The following WDPCP variants were observed in gnomAD, a reference collection of about 807,000 sequenced individuals.
The protein encoded by WDPCP is WD repeat-containing and planar cell polarity effector protein fritz homolog.
In WDPCP, 71 loss-of-function variants were observed where a neutral mutation model predicts 93.1. The observed-to-expected ratio is 0.76, with a 90% CI of 0.63 to 0.93. The LOEUF (loss-of-function observed/expected upper bound fraction) is 0.93. Ranked by LOEUF, WDPCP falls within the 40% of genes least tolerant of loss-of-function variation. The pLI, the probability that WDPCP is intolerant of heterozygous loss-of-function variation, is 0.00. For missense variants in WDPCP, 844 were observed against 887.4 expected, an observed-to-expected ratio of 0.95 and a Z score of 0.62; for synonymous variants, 315 against 315.0, an observed-to-expected ratio of 1.00 and a Z score of 0.00.
intron 3 of WDPCP, among the ~76,000 whole-genome samples, chr2:63,627,440 G>A (rs1347792970): frequency 6.6e-6 from 1 of 152,146 alleles, no homozygotes; most frequent in African/African-American, 2.4e-5. Flanking sequence ...GGTCCCTTGC[G>A]AAGCTCCACT....
At chr2:63,492,760 C>G (rs981105432) in intron 2 of WDPCP, 96 bp downstream of exon 2, 1 of 1,119,554 alleles carries the variant, frequency 8.9e-7, no homozygotes, top group Non-Finnish European at 1.3e-6. Context: ...GAATGCAACT[C>G]CAGCTGGAGA....
At chr2:63,378,101 C>G in intron 12 of WDPCP, 1 of 399,906 alleles carries the variant, frequency 2.5e-6, no homozygotes, top group South Asian at 2.6e-5. Flanking sequence ...GTGCGAGTAG[C>G]ACAATTCAGT....
intron 2 of WDPCP, among the ~76,000 whole-genome samples, chr2:63,731,394 T>C (rs1669560123): frequency 6.6e-6 from 1 of 152,200 alleles, no homozygotes; most frequent in African/African-American, 2.4e-5. Flanking sequence ...AATTAACCTA[T>C]TAACCATAAT....
chr2:63,700,646 C>G lies in WDPCP; in HGVS notation n.309-49808G>C, dbSNP rs148346525. Among the ~76,000 whole-genome samples the G allele has an allele frequency of 1.5e-3, 228 of 152,130 alleles. 1 individual carries two copies. The highest frequency in any genetic ancestry group is 5.0e-3 in the African/African-American group (209 of 41,496). Reference sequence around the variant, plus strand: ...TACAGTGTTTAAAAGTTTTGATACCCAGCATGGTACTCACATAAAAACAGA... The same window carrying G: ...TACAGTGTTTAAAAGTTTTGATACCGAGCATGGTACTCACATAAAAACAGA... On this transcript the variant is annotated intron_variant and non_coding_transcript_variant, in intron 2 of 4. Transcript: ENST00000467687.
chr2:63,344,523 A>G (rs1396718937), intron 12 of WDPCP, among the ~76,000 whole-genome samples: 1 of 152,178 alleles, frequency 6.6e-6, no homozygotes, highest in African/African-American at 2.4e-5. Context: ...TGTTGTACAC[A>G]ATTCACTAAC....
At position 63,536,851 on chromosome 2, in the gene WDPCP, C is replaced by T. The variant is rs549834536; in HGVS notation, c.76-43911G>A. The stretch of plus-strand genomic sequence containing the variant: ...CGCGATCTTGGCTCACTGCAACCTT[C>T]GCCTCCCAAGTTCAAATGATTCTTG... On this transcript the variant is annotated intron_variant, in intron 1 of 17. Transcript: ENST00000272321. Among the ~76,000 whole-genome samples, 19 of 137,074 alleles carry T rather than the reference C, an allele frequency of 1.4e-4. No individual in the cohort carries two copies. In the South Asian group the frequency reaches 3.3e-3, roughly 24 times the overall value. The allele number at this position is 137,074 out of a possible 152,430, so 89.9% of individuals were successfully genotyped here.
intron 10 of WDPCP, among the ~76,000 whole-genome samples, chr2:63,385,701 T>C (rs1480821028): frequency 6.6e-6 from 1 of 151,986 alleles, no homozygotes; most frequent in Non-Finnish European, 1.5e-5. Flanking sequence ...AAATGATCTA[T>C]AGATCCAACA....
intron 2 of WDPCP, among the ~76,000 whole-genome samples, chr2:63,670,741 C>A (rs916212486): frequency 1.3e-5 from 2 of 152,098 alleles, no homozygotes; most frequent in African/African-American, 4.8e-5. Context: ...GGTCTGGGAC[C>A]TGGTCAGAAA....
At chr2:63,750,963 T>C (rs970120491) in intron 2 of WDPCP, among the ~76,000 whole-genome samples, 1 of 152,176 alleles carries the variant, frequency 6.6e-6, no homozygotes, top group African/African-American at 2.4e-5. Flanking sequence ...TGTTAGGTTT[T>C]AGTATCAGAG....
chr2:63,663,487 A>G (rs919986769), intron 2 of WDPCP, among the ~76,000 whole-genome samples: 2 of 152,218 alleles, frequency 1.3e-5, no homozygotes, highest in Non-Finnish European at 2.9e-5. Context: ...AGCCTGACTC[A>G]GTCTGAGTAG....
intron 13 of WDPCP, among the ~76,000 whole-genome samples, chr2:63,277,698 A>G (rs1438987084): frequency 6.6e-6 from 1 of 152,198 alleles, no homozygotes; most frequent in African/African-American, 2.4e-5. Context: ...TCCAACAGGA[A>G]AATACCACAA....
chr2:63,724,648 T>G (rs1669472713), intron 2 of WDPCP, among the ~76,000 whole-genome samples: 1 of 152,196 alleles, frequency 6.6e-6, no homozygotes, highest in African/African-American at 2.4e-5. Context: ...AAGCAAAATT[T>G]AAGAGTGGGT....
chr2:63,828,509 A>G (rs1671145798), upstream of WDPCP, among the ~76,000 whole-genome samples: 1 of 152,160 alleles, frequency 6.6e-6, no homozygotes, highest in Non-Finnish European at 1.5e-5. Context: ...TATACTTAGT[A>G]CCTAGAACGG....
chr2:63,691,054 T>G (rs530057643), intron 2 of WDPCP, among the ~76,000 whole-genome samples: 2 of 152,330 alleles, frequency 1.3e-5, no homozygotes, highest in Non-Finnish European at 2.9e-5. Context: ...CATATATTTA[T>G]CTGGATCTGT....
At chr2:63,441,685 T>C (rs946351982) in intron 6 of WDPCP, 4 of 152,026 alleles carry the variant, frequency 2.6e-5, no homozygotes, top group African/African-American at 9.7e-5. Flanking sequence ...ATGACATGGA[T>C]GTTCCTTCTG....
At chr2:63,234,286 T>TTGAGA (rs140558183) in intron 14 of WDPCP, among the ~76,000 whole-genome samples, 24,055 of 151,870 alleles carry the variant, frequency 0.16, 2,530 homozygotes, top group Non-Finnish European at 0.21. Context: ...TTTAGTGTTG[T>TTGAGA]TGAGATAACA....
At chr2:63,437,617 T>G in intron 7 of WDPCP, 63 bp from the exon 8 acceptor site, 1 of 1,436,320 alleles carries the variant, frequency 7.0e-7, no homozygotes, top group Admixed American at 2.2e-5. Flanking sequence ...TTTCCACTGA[T>G]ATGTTACAAA....
intron 2 of WDPCP, among the ~76,000 whole-genome samples, chr2:63,783,600 A>T (rs1670428309): frequency 6.6e-6 from 1 of 152,208 alleles, no homozygotes; most frequent in Non-Finnish European, 1.5e-5. Context: ...CATAAAAAAG[A>T]ATGAAATAAT....
At chr2:63,732,146 G>C (rs933370360) in intron 2 of WDPCP, among the ~76,000 whole-genome samples, 10 of 152,160 alleles carry the variant, frequency 6.6e-5, no homozygotes, top group Non-Finnish European at 1.0e-4. Context: ...AGACACAGAT[G>C]GGGGGAAATG....
Sources: gnomAD v4.1 joint callset for allele counts (sites outside exome capture counted in the v4.1 genomes callset) on GRCh38, gnomAD v4.1.1 for gene constraint, MANE v1.5 for transcripts, NCBI Gene and HGNC (gene_info 2026-07-23, HGNC 2026-07-21) for gene names.